Variants in VIPAS39 observed in about 807,000 individuals in gnomAD.
VIPAS39 encodes the protein spermatogenesis-defective protein 39 homolog.
A neutral mutation model predicts 84.7 loss-of-function variants in VIPAS39; 63 were observed. That is an observed-to-expected ratio of 0.74 (90% CI 0.61 to 0.92). The LOEUF (loss-of-function observed/expected upper bound fraction) is 0.92, where lower values mean the gene tolerates loss of function less well. VIPAS39 is among the 40% of genes least tolerant of loss of function. VIPAS39 has a pLI of 0.00. For missense variants in VIPAS39, 499 were observed against 604.5 expected (o/e 0.83, Z 1.83); for synonymous variants, 192 against 216.5 (o/e 0.89, Z 0.99).
intron 12 of VIPAS39, among the ~76,000 whole-genome samples, chr14:77,436,735 G>A (rs185265676): frequency 1.2e-3 from 184 of 152,254 alleles, no homozygotes; most frequent in Non-Finnish European, 2.1e-3. Flanking sequence ...GAGCTGCTGC[G>A]CCCGGCCACA....
At chr14:77,456,325 A>G (rs894167809) in intron 1 of VIPAS39, among the ~76,000 whole-genome samples, 1 of 152,256 alleles carries the variant, frequency 6.6e-6, no homozygotes, top group African/African-American at 2.4e-5. Flanking sequence ...AAGCTAAAAA[A>G]GAAAATATTT....
chr14:77,439,273 AC>A (rs1268922729), intron 11 of VIPAS39, among the ~76,000 whole-genome samples: 2 of 152,192 alleles, frequency 1.3e-5, no homozygotes, highest in Non-Finnish European at 2.9e-5. Context: ...GTTACCCAAA[AC>A]ACATTTATTC....
intron 16 of VIPAS39, among the ~76,000 whole-genome samples, chr14:77,430,794 T>A (rs906779705): frequency 2.7e-5 from 4 of 150,764 alleles, no homozygotes; most frequent in African/African-American, 9.8e-5. Context: ...TATTACAAAG[T>A]TACATATATT....
At chr14:77,452,734 C>T (rs550574220) in intron 3 of VIPAS39, among the ~76,000 whole-genome samples, 21 of 141,926 alleles carry the variant, frequency 1.5e-4, no homozygotes, top group African/African-American at 4.4e-4. Context: ...GAGTCAGGAT[C>T]GCGCCATTGC....
chr14:77,452,661 T>G (rs1182812663), intron 3 of VIPAS39, among the ~76,000 whole-genome samples: 1 of 150,592 alleles, frequency 6.6e-6, no homozygotes, highest in African/African-American at 2.4e-5. Flanking sequence ...GCACCTTTAA[T>G]CCCAGCTACT....
chr14:77,448,273 T>C (rs2078828504), intron 7 of VIPAS39, among the ~76,000 whole-genome samples: 2 of 152,152 alleles, frequency 1.3e-5, no homozygotes, highest in African/African-American at 2.4e-5. Flanking sequence ...CACTCTTAAA[T>C]GTACTTTTCC....
intron 18 of VIPAS39, 143 bp from the exon 19 acceptor site, chr14:77,428,617 T>A: frequency 1.4e-6 from 1 of 730,338 alleles, no homozygotes; most frequent in Non-Finnish European, 2.4e-6. Context: ...TGTGTGCTAC[T>A]GTGTACACAT....
chr14:77,435,412 A>T lies in VIPAS39; in HGVS notation c.913-19T>A. On this transcript the variant is annotated intron_variant, in intron 13 of 19. Transcript: ENST00000557658. ...CATTTGCCTGTGGTGGAGTGAGCCA[A>T]GTGAAAAAAAAAAAAAACAATGTCC... 7.3e-7 allele frequency: 1 copy of T among 1,363,022 alleles called. No homozygotes were observed. The highest frequency in any genetic ancestry group is 9.9e-7 in the Non-Finnish European group (1 of 1,012,774). The allele number at this position is 1,363,022 out of a possible 1,614,324, so 84.4% of individuals were successfully genotyped here.
At chr14:77,443,071 T>C (rs2078727509) in intron 9 of VIPAS39, 48 bp downstream of exon 9, 1 of 1,612,524 alleles carries the variant, frequency 6.2e-7, no homozygotes, top group Non-Finnish European at 8.5e-7. Context: ...TCCCCTCGAA[T>C]GTGGCAGACA....
At chr14:77,434,235 T>A (rs1253700318) in intron 15 of VIPAS39, 27 bp downstream of exon 15, 1 of 1,611,112 alleles carries the variant, frequency 6.2e-7, no homozygotes. Flanking sequence ...ATCACTAGTT[T>A]CATAACACTG....
At chr14:77,433,632 T>C (rs2078559432) in intron 16 of VIPAS39, among the ~76,000 whole-genome samples, 1 of 152,192 alleles carries the variant, frequency 6.6e-6, no homozygotes, top group African/African-American at 2.4e-5. Context: ...GTTAATAAAT[T>C]AGTGATGTGG....
At chr14:77,435,546 A>G (rs1330216973) in intron 13 of VIPAS39, among the ~76,000 whole-genome samples, 153 bp from the exon 14 acceptor site, 1 of 152,184 alleles carries the variant, frequency 6.6e-6, no homozygotes, top group Non-Finnish European at 1.5e-5. Context: ...GGATATCCCC[A>G]GAGTAGTTTA....
intron 11 of VIPAS39, among the ~76,000 whole-genome samples, chr14:77,438,227 T>A (rs12100886): frequency 0.023 from 564 of 24,280 alleles, 1 homozygote; most frequent in Admixed American, 0.034. Context: ...ATATGGAAAA[T>A]TTTTTTTTTT....
Position 77,429,751 on chromosome 14 carries a change from G to A in VIPAS39, c.1196C>T (p.Thr399Ile), listed in dbSNP as rs377223868. 39 of 1,614,168 alleles carry A rather than the reference G, an allele frequency of 2.4e-5. No homozygotes were observed. In the East Asian group the frequency reaches 4.7e-4, roughly 19 times the overall value. ...LFTTKNWLGY[T>I]KKRAPIGFHR... ...GAAGCCAATGGGTGCTCTCTTCTTG[G>A]TATAGCCCAGCCAGTTCTGAAAGAG... Residue 399 changes from threonine (T) to isoleucine (I), a missense_variant, in exon 17 of 20, where the codon ACC (threonine) becomes ATC (isoleucine). Physicochemically the swap from Thr to Ile is moderately conservative, Grantham distance 89. Transcript: ENST00000557658.
intron 16 of VIPAS39, among the ~76,000 whole-genome samples, chr14:77,430,160 C>T (rs982279701): frequency 4.6e-5 from 7 of 152,120 alleles, no homozygotes; most frequent in Non-Finnish European, 7.4e-5. Flanking sequence ...AAACTTTTAA[C>T]AGTGTTTGCC....
At chr14:77,440,742 A>G (rs1219804805) in intron 11 of VIPAS39, among the ~76,000 whole-genome samples, 3 of 152,134 alleles carry the variant, frequency 2.0e-5, no homozygotes, top group African/African-American at 7.2e-5. Flanking sequence ...TTCGTGAGAC[A>G]GAGTCTCACT....
At chr14:77,438,916 A>T (rs2078657477) in intron 11 of VIPAS39, among the ~76,000 whole-genome samples, 2 of 152,268 alleles carry the variant, frequency 1.3e-5, no homozygotes, top group Non-Finnish European at 2.9e-5. Flanking sequence ...TAAATAACAT[A>T]AGACAGAATA....
At chr14:77,442,811 T>G (rs1046153128) in intron 9 of VIPAS39, 149 bp from the exon 10 acceptor site, 4 of 808,976 alleles carry the variant, frequency 4.9e-6, no homozygotes, top group Non-Finnish European at 8.3e-6. Context: ...TAATTCACCA[T>G]CAACACACTC....
At chr14:77,429,152 T>G in intron 17 of VIPAS39, 57 bp from the exon 18 acceptor site, 103 of 1,494,028 alleles carry the variant, frequency 6.9e-5, no homozygotes, top group Non-Finnish European at 8.6e-5. Context: ...CACAGAGCTC[T>G]ACAAGGTAGA....
Sources: gnomAD v4.1 joint callset for allele counts (sites outside exome capture counted in the v4.1 genomes callset) on GRCh38, gnomAD v4.1.1 for gene constraint, MANE v1.5 for transcripts, NCBI Gene and HGNC (gene_info 2026-07-23, HGNC 2026-07-21) for gene names.